Variants in CSMD3 observed in about 807,000 individuals in gnomAD.
The protein encoded by CSMD3 is CUB and sushi domain-containing protein 3.
CSMD3 carries 177 observed loss-of-function variants against 435.2 expected under a neutral mutation model. The ratio of observed to expected loss-of-function variants is 0.41; its 90% CI spans 0.36 to 0.46. CSMD3 has a LOEUF of 0.46. CSMD3 is among the 20% of genes least tolerant of loss of function. The pLI, the probability that CSMD3 is intolerant of heterozygous loss-of-function variation, is 0.34. For synonymous variants in CSMD3, 1,656 were observed against 1,520.5 expected, an observed-to-expected ratio of 1.09 and a Z score of -2.07; for missense variants, 4,265 against 4,504.6, an observed-to-expected ratio of 0.95 and a Z score of 1.52.
intron 12 of CSMD3, among the ~76,000 whole-genome samples, chr8:112,828,538 C>T (rs930925776): frequency 2.6e-5 from 4 of 152,154 alleles, no homozygotes; most frequent in Non-Finnish European, 2.9e-5. Flanking sequence ...CTTTCGGCCA[C>T]CATTGTAAGT....
chr8:112,699,136 C>G (rs1429148183), intron 13 of CSMD3, among the ~76,000 whole-genome samples: 1 of 152,144 alleles, frequency 6.6e-6, no homozygotes, highest in Non-Finnish European at 1.5e-5. Flanking sequence ...CCCTTCCATG[C>G]TGTGGAAGCT....
At chr8:113,362,647 TCA>T (rs1211298710) in intron 1 of CSMD3, among the ~76,000 whole-genome samples, 1 of 152,168 alleles carries the variant, frequency 6.6e-6, no homozygotes. Context: ...TTCCCTTTTC[TCA>T]GTTTTGTGGG....
intron 3 of CSMD3, among the ~76,000 whole-genome samples, chr8:113,190,855 A>C (rs1234926113): frequency 6.6e-6 from 1 of 151,810 alleles, no homozygotes; most frequent in Non-Finnish European, 1.5e-5. Context: ...CATGACATTA[A>C]CAATTTCCTG....
chr8:113,196,997 A>G (rs1231566096), intron 3 of CSMD3, among the ~76,000 whole-genome samples: 2 of 151,246 alleles, frequency 1.3e-5, no homozygotes, highest in African/African-American at 4.8e-5. Flanking sequence ...TTATTAAGGC[A>G]TGGTCTATGT....
At chr8:112,289,110 C>T (rs1819510432) in intron 57 of CSMD3, among the ~76,000 whole-genome samples, 1 of 152,044 alleles carries the variant, frequency 6.6e-6, no homozygotes, top group Non-Finnish European at 1.5e-5. Flanking sequence ...CATCCTAAAA[C>T]CATAAATTCT....
intron 17 of CSMD3, among the ~76,000 whole-genome samples, chr8:112,660,847 T>C (rs889790739): frequency 6.6e-6 from 1 of 152,192 alleles, no homozygotes; most frequent in African/African-American, 2.4e-5. Context: ...TAACAAAGAA[T>C]GATTTTTTAA....
At chr8:112,954,536 T>C (rs1054330528) in intron 8 of CSMD3, 148 bp downstream of exon 8, 3 of 601,752 alleles carry the variant, frequency 5.0e-6, no homozygotes, top group African/African-American at 3.7e-5. Context: ...ATATAAAATA[T>C]TGAATAATCA....
chr8:112,950,738 T>A (rs150801054), intron 8 of CSMD3, among the ~76,000 whole-genome samples: 111 of 152,068 alleles, frequency 7.3e-4, no homozygotes, highest in Middle Eastern at 6.8e-3. Context: ...TTAATGGGAA[T>A]CTATATTTAA....
At chr8:112,422,048 C>T (rs983180527) in intron 32 of CSMD3, among the ~76,000 whole-genome samples, 2 of 152,014 alleles carry the variant, frequency 1.3e-5, no homozygotes, top group Non-Finnish European at 2.9e-5. Context: ...TTATCTTAAG[C>T]CTGGTCTCTT....
chr8:112,748,982 C>T (rs1409673156), intron 13 of CSMD3, among the ~76,000 whole-genome samples: 1 of 152,172 alleles, frequency 6.6e-6, no homozygotes, highest in Admixed American at 6.5e-5. Context: ...TTCCTTTTCT[C>T]CACAACCTCA....
Position 112,993,685 on chromosome 8 carries a change from G to A in CSMD3, c.1031-17537C>T, listed in dbSNP as rs1466837688. On this transcript the variant is annotated intron_variant, in intron 6 of 70. Coordinates refer to ENST00000297405, the MANE Select transcript of CSMD3 (RefSeq NM_198123.2). ...AGAAAATATACAAAAGTAAATTGAG[G>A]ACAATTTTAAAAGGAGCATAATAGA... Among the ~76,000 whole-genome samples the A allele has an allele frequency of 3.3e-5, 5 of 151,810 alleles. No homozygotes were observed. The East Asian group carries it at 9.7e-4, about 30-fold the overall frequency.
At chr8:112,843,275 C>T (rs1259570332) in intron 11 of CSMD3, among the ~76,000 whole-genome samples, 1 of 151,728 alleles carries the variant, frequency 6.6e-6, no homozygotes, top group African/African-American at 2.4e-5. Context: ...GCCTTGAGGG[C>T]TCCTCCCTTG....
chr8:113,225,548 C>G (rs1030912323), intron 3 of CSMD3, among the ~76,000 whole-genome samples: 2 of 151,476 alleles, frequency 1.3e-5, no homozygotes, highest in African/African-American at 4.8e-5. Context: ...TAAGTGGGGG[C>G]TAAATGACGA....
At chr8:113,279,294 C>CT (rs1433328736) in intron 2 of CSMD3, among the ~76,000 whole-genome samples, 1 of 148,180 alleles carries the variant, frequency 6.7e-6, no homozygotes, top group Non-Finnish European at 1.5e-5. Context: ...AGAGCCAGGT[C>CT]TAAGACTACA....
At chr8:112,374,760 G>A (rs1039915381) in intron 38 of CSMD3, among the ~76,000 whole-genome samples, 2 of 152,102 alleles carry the variant, frequency 1.3e-5, no homozygotes, top group Admixed American at 6.6e-5. Flanking sequence ...TTATAATATC[G>A]TCTTCTAATA....
chr8:113,095,999 G>A (rs1401457959), intron 5 of CSMD3, among the ~76,000 whole-genome samples: 2 of 152,008 alleles, frequency 1.3e-5, no homozygotes, highest in Non-Finnish European at 2.9e-5. Context: ...ACATTTTAGT[G>A]TTGGAGTGTC....
At chr8:113,351,139 G>A (rs1588574678) in intron 1 of CSMD3, among the ~76,000 whole-genome samples, 1 of 152,034 alleles carries the variant, frequency 6.6e-6, no homozygotes, top group Non-Finnish European at 1.5e-5. Flanking sequence ...CTTTATCACA[G>A]CACTCACCTT....
intron 27 of CSMD3, among the ~76,000 whole-genome samples, chr8:112,518,369 A>T (rs1038354725): frequency 2.0e-5 from 3 of 151,952 alleles, no homozygotes; most frequent in South Asian, 4.2e-4. Context: ...TTAGCCCAGC[A>T]TGGTGGTGCA....
chr8:112,956,697 T>C (rs2084031668), intron 7 of CSMD3, among the ~76,000 whole-genome samples: 1 of 152,088 alleles, frequency 6.6e-6, no homozygotes, highest in Non-Finnish European at 1.5e-5. Context: ...AAGTTACTAA[T>C]ATTGGGGGGC....
Sources: allele counts gnomAD v4.1 joint callset (sites outside exome capture counted in the v4.1 genomes callset), GRCh38; gene constraint gnomAD v4.1.1; transcripts MANE v1.5; gene names NCBI Gene and HGNC (gene_info 2026-07-23, HGNC 2026-07-21).